Variants in TMEM132C observed in about 807,000 individuals in gnomAD.
TMEM132C encodes the protein transmembrane protein 132C.
A neutral mutation model predicts 61.4 loss-of-function variants in TMEM132C; 29 were observed. The ratio of observed to expected loss-of-function variants is 0.47; its 90% CI spans 0.35 to 0.64. The LOEUF (loss-of-function observed/expected upper bound fraction) is 0.64. Among genes scored for constraint, TMEM132C ranks in the 30% least tolerant of loss-of-function variants. The pLI, the probability that TMEM132C is intolerant of heterozygous loss-of-function variation, is 0.00. For synonymous variants in TMEM132C, 656 were observed against 633.1 expected, an observed-to-expected ratio of 1.04 and a Z score of -0.54; for missense variants, 1,408 against 1,476.9, an observed-to-expected ratio of 0.95 and a Z score of 0.76.
rs1617943 is a variant in TMEM132C, at chr12:128,473,984, A to G, written c.974+58364A>G. Among the ~76,000 whole-genome samples the G allele has an allele frequency of 3.9e-3, 593 of 152,326 alleles. 2 individuals are homozygous for G. The highest frequency in any genetic ancestry group is 0.014 in the African/African-American group (582 of 41,570). Reference sequence around the variant, plus strand: ...CACTGCAGGCCATGTTATCTTGAAAATGCCTGATGCTCTTGATAACAAACT... The same window carrying G: ...CACTGCAGGCCATGTTATCTTGAAAGTGCCTGATGCTCTTGATAACAAACT... On this transcript the variant is annotated intron_variant, in intron 2 of 8. Transcript: ENST00000435159.
intron 1 of TMEM132C, among the ~76,000 whole-genome samples, chr12:128,356,222 A>G (rs1273812068): frequency 6.6e-6 from 1 of 152,190 alleles, no homozygotes; most frequent in African/African-American, 2.4e-5. Flanking sequence ...AAAGACTAGA[A>G]TAAGCAAGCA....
At chr12:128,322,835 C>T (rs1327815809) in intron 1 of TMEM132C, among the ~76,000 whole-genome samples, 1 of 152,154 alleles carries the variant, frequency 6.6e-6, no homozygotes, top group Non-Finnish European at 1.5e-5. Context: ...ACTCTTTAAC[C>T]ATGCTCTTCT....
At chr12:128,495,668 T>G (rs11534802) in intron 2 of TMEM132C, among the ~76,000 whole-genome samples, 56,211 of 150,730 alleles carry the variant, frequency 0.37, 10,372 homozygotes, top group East Asian at 0.57. Context: ...TGCCTTTTTT[T>G]GTTTTCCATT....
intron 3 of TMEM132C, among the ~76,000 whole-genome samples, chr12:128,587,669 G>A (rs1425137070): frequency 6.6e-6 from 1 of 152,180 alleles, no homozygotes; most frequent in African/African-American, 2.4e-5. Flanking sequence ...AGTCCTGTTG[G>A]GGATCAGCCT....
intron 2 of TMEM132C, among the ~76,000 whole-genome samples, chr12:128,532,032 C>T (rs1024032919): frequency 6.6e-6 from 1 of 152,202 alleles, no homozygotes; most frequent in Admixed American, 6.5e-5. Context: ...ACTCTTCCCT[C>T]CTATGTGTTG....
rs59699427 is a variant in TMEM132C, at chr12:128,338,757, A to AATAT, written c.85+71287_85+71290dup. On this transcript the variant is annotated intron_variant, in intron 1 of 8. Transcript: ENST00000435159. ...TCCTTTCTTGTTTTCCTTCTGCAGA[A>AATAT]ATATATATATATATATATATTTTGC... Among the ~76,000 whole-genome samples the AATAT allele has an allele frequency of 5.0e-4, 70 of 138,638 alleles. 1 individual carries two copies. Among genetic ancestry groups the AATAT allele is most frequent in the Middle Eastern group, 3.7e-3 (1 of 270 alleles). The allele number at this position is 138,638 out of a possible 152,430, so 91.0% of individuals were successfully genotyped here.
chr12:128,333,737 G>A (rs1268853894), intron 1 of TMEM132C, among the ~76,000 whole-genome samples: 1 of 151,552 alleles, frequency 6.6e-6, no homozygotes, highest in African/African-American at 2.4e-5. Context: ...TGGTTTGTGT[G>A]TGGTGTGTGT....
intron 1 of TMEM132C, among the ~76,000 whole-genome samples, chr12:128,378,826 C>G (rs1874308602): frequency 6.6e-6 from 1 of 152,288 alleles, no homozygotes; most frequent in Admixed American, 6.5e-5. Context: ...GGGAGGGACC[C>G]AGTGCCCAGG....
chr12:128,412,955 A>AT (rs2136019498), intron 1 of TMEM132C, among the ~76,000 whole-genome samples: 2 of 152,124 alleles, frequency 1.3e-5, no homozygotes, highest in South Asian at 4.2e-4. Context: ...TCATTCAGCC[A>AT]TTTTTCTGCA....
chr12:128,304,637 G>A (rs910385297), intron 1 of TMEM132C, among the ~76,000 whole-genome samples: 13 of 147,634 alleles, frequency 8.8e-5, no homozygotes, highest in South Asian at 2.1e-4. Flanking sequence ...AAGAAAGAAA[G>A]AAAAAAAAGA....
intron 2 of TMEM132C, among the ~76,000 whole-genome samples, chr12:128,498,505 A>C (rs1357309287): frequency 6.6e-6 from 1 of 152,042 alleles, no homozygotes; most frequent in African/African-American, 2.4e-5. Context: ...GTGAAACCCT[A>C]TCTCTATTAA....
chr12:128,319,357 G>GAC (rs1049238564), intron 1 of TMEM132C, among the ~76,000 whole-genome samples: 1 of 148,994 alleles, frequency 6.7e-6, no homozygotes, highest in Admixed American at 6.7e-5. Context: ...GCAGTCCCGA[G>GAC]AGAGAGAGAG....
chr12:128,536,537 A>AG (rs559167430), intron 2 of TMEM132C, among the ~76,000 whole-genome samples: 2,651 of 80,404 alleles, frequency 0.033, 57 homozygotes, highest in Non-Finnish European at 0.039. Flanking sequence ...AATGAAAAAA[A>AG]AAGAGAAGGT....
chr12:128,364,618 C>T (rs567242164), intron 1 of TMEM132C, among the ~76,000 whole-genome samples: 9 of 152,290 alleles, frequency 5.9e-5, no homozygotes, highest in African/African-American at 2.2e-4. Context: ...ATTCAGAAGC[C>T]ATTTCAAGGC....
chr12:128,447,608 A>T (rs1485141381), intron 2 of TMEM132C, among the ~76,000 whole-genome samples: 1 of 151,718 alleles, frequency 6.6e-6, no homozygotes, highest in African/African-American at 2.4e-5. Context: ...TCAAATTGCC[A>T]ACTGGCTCAC....
At chr12:128,644,281 G>C (rs1954179547) in intron 4 of TMEM132C, among the ~76,000 whole-genome samples, 1 of 152,178 alleles carries the variant, frequency 6.6e-6, no homozygotes, top group African/African-American at 2.4e-5. Context: ...CATGGAGATA[G>C]GAAGGGAAAT....
intron 4 of TMEM132C, among the ~76,000 whole-genome samples, chr12:128,665,186 C>G (rs541448647): frequency 3.3e-5 from 5 of 150,276 alleles, no homozygotes; most frequent in Admixed American, 6.6e-5. Context: ...CACACACACA[C>G]AGGCACATGC....
intron 1 of TMEM132C, among the ~76,000 whole-genome samples, chr12:128,269,226 GAGC>G (rs1870427039): frequency 6.6e-6 from 1 of 152,178 alleles, no homozygotes; most frequent in Non-Finnish European, 1.5e-5. Context: ...GGTGCTAATT[GAGC>G]AGGGCGTGAC....
intron 3 of TMEM132C, among the ~76,000 whole-genome samples, chr12:128,571,937 A>T (rs140295474): frequency 6.6e-6 from 1 of 152,348 alleles, no homozygotes; most frequent in African/African-American, 2.4e-5. Flanking sequence ...GTTCACACAA[A>T]ACATTCCAGG....
Sources: gnomAD v4.1 joint callset for allele counts (sites outside exome capture counted in the v4.1 genomes callset) on GRCh38, gnomAD v4.1.1 for gene constraint, MANE v1.5 for transcripts, NCBI Gene and HGNC (gene_info 2026-07-23, HGNC 2026-07-21) for gene names.